DENND11: variants seen among roughly 807,000 people sequenced by gnomAD.
The protein encoded by DENND11 is DENN domain containing 11, also known as DENN domain-containing protein 11.
Under a neutral mutation model 49.2 loss-of-function variants are expected in DENND11, and 34 were observed. The ratio of observed to expected loss-of-function variants is 0.69; its 90% CI spans 0.53 to 0.92. The LOEUF (loss-of-function observed/expected upper bound fraction) is 0.92, where lower values mean the gene tolerates loss of function less well. Ranked by LOEUF, DENND11 falls within the 40% of genes least tolerant of loss-of-function variation. The pLI is 0.00. For synonymous variants in DENND11, 238 were observed against 230.3 expected, an observed-to-expected ratio of 1.03 and a Z score of -0.30; for missense variants, 475 against 581.6, an observed-to-expected ratio of 0.82 and a Z score of 1.88.
chr7:141,664,700 C>T (rs1797860231), intron 7 of DENND11, among the ~76,000 whole-genome samples: 1 of 152,218 alleles, frequency 6.6e-6, no homozygotes, highest in Non-Finnish European at 1.5e-5. Context: ...CGTGGATCTA[C>T]TCCCCTCCTA....
rs116343238 is a variant in DENND11, at chr7:141,670,805, C to T, written c.681+3262G>A. On this transcript the variant is annotated intron_variant, in intron 4 of 8. Coordinates refer to ENST00000536163, the MANE Select transcript of DENND11 (RefSeq NM_001080392.2). ...TACAATGTTTTCAACTTACAATAGG[C>T]TTATGGGGGTGTAACCCCACAGTAA... Among the ~76,000 whole-genome samples the T allele has an allele frequency of 4.0e-3, 608 of 152,302 alleles. 4 individuals carry two copies. The highest frequency in any genetic ancestry group is 0.014 in the African/African-American group (565 of 41,560).
chr7:141,685,027 A>ATATATAT (rs1441870552), intron 3 of DENND11, among the ~76,000 whole-genome samples: 2 of 98,054 alleles, frequency 2.0e-5, no homozygotes, highest in African/African-American at 6.9e-5. Context: ...AAAAAAAAAA[A>ATATATAT]AAATATATAT....
intron 5 of DENND11, among the ~76,000 whole-genome samples, 171 bp from the exon 6 acceptor site, chr7:141,665,489 G>A (rs1797880548): frequency 6.6e-6 from 1 of 152,204 alleles, no homozygotes; most frequent in African/African-American, 2.4e-5. Flanking sequence ...TGCCATGGCA[G>A]AAACTGACCC....
chr7:141,668,802 C>T (rs550938586), intron 4 of DENND11, among the ~76,000 whole-genome samples: 1 of 152,344 alleles, frequency 6.6e-6, no homozygotes, highest in Non-Finnish European at 1.5e-5. Context: ...CTCACCTGCA[C>T]ATGCAACAGA....
At chr7:141,671,257 A>C (rs1797975288) in intron 4 of DENND11, among the ~76,000 whole-genome samples, 1 of 152,146 alleles carries the variant, frequency 6.6e-6, no homozygotes, top group African/African-American at 2.4e-5. Context: ...GCTCACTGCA[A>C]CTTCTGCCTC....
chr7:141,695,802 TCTTGGACCATGA>T (rs1052343967), intron 1 of DENND11, among the ~76,000 whole-genome samples: 10 of 152,200 alleles, frequency 6.6e-5, no homozygotes, highest in East Asian at 5.8e-4. Context: ...TCCTTTCTCA[TCTTGGACCATGA>T]CTTGGACCTA....
chr7:141,699,759 A>G (rs1798476313), intron 1 of DENND11, among the ~76,000 whole-genome samples: 1 of 152,258 alleles, frequency 6.6e-6, no homozygotes, highest in Admixed American at 6.5e-5. Context: ...CATCCCTGGT[A>G]TGTTCCCTCA....
chr7:141,694,103 T>C (rs1053791740), intron 1 of DENND11, among the ~76,000 whole-genome samples: 2 of 152,198 alleles, frequency 1.3e-5, no homozygotes, highest in Non-Finnish European at 2.9e-5. Flanking sequence ...CTGTACTTTC[T>C]GCTCAATTTT....
rs142059084 is a variant in DENND11 at position 141,666,966 on chromosome 7, C to T, written c.682-541G>A. ...GATGGAGTCTGACTCACTCTGTCAC[C>T]CAGGTTGGAGTGCTGTGGCGTGATC... On this transcript the variant is annotated intron_variant, in intron 4 of 8. Transcript: ENST00000536163. 1.4e-3 allele frequency among the ~76,000 whole-genome samples: 209 copies of T among 152,250 alleles called. 2 individuals carry two copies. The highest frequency in any genetic ancestry group is 4.8e-3 in the African/African-American group (199 of 41,538).
chr7:141,670,590 A>G (rs1290962191), intron 4 of DENND11, among the ~76,000 whole-genome samples: 2 of 152,238 alleles, frequency 1.3e-5, no homozygotes, highest in African/African-American at 4.8e-5. Context: ...TTTCAACTGT[A>G]TGATGGGTTT....
intron 3 of DENND11, among the ~76,000 whole-genome samples, chr7:141,674,843 G>T (rs998247213): frequency 1.3e-5 from 2 of 152,128 alleles, no homozygotes; most frequent in African/African-American, 4.8e-5. Context: ...GCTGTGGCTG[G>T]CCCTGCTGGC....
intron 1 of DENND11, among the ~76,000 whole-genome samples, chr7:141,700,067 A>G (rs1798483197): frequency 6.6e-6 from 1 of 152,192 alleles, no homozygotes; most frequent in Admixed American, 6.5e-5. Flanking sequence ...TCAATAATTG[A>G]TCAATTATCA....
rs1797893802 is a variant in DENND11, at chr7:141,666,366, G to A, written c.741C>T (p.Leu247=). The part of the protein sequence containing the change: ...QFIKFFGEQI[L]ILWKFALLRK... Reference sequence around the variant, plus strand: ...GAAGTAAGGCAAATTTCCAGAGGATGAGGATCTGTTCTCCAAAGAACTTTA... The same window carrying A: ...GAAGTAAGGCAAATTTCCAGAGGATAAGGATCTGTTCTCCAAAGAACTTTA... The change falls in exon 5 of 9, where the codon CTC becomes CTT. Residue 247 remains leucine, a synonymous_variant. Coordinates refer to ENST00000536163, the MANE Select transcript of DENND11 (RefSeq NM_001080392.2). 6.2e-7 allele frequency: 1 copy of A among 1,613,520 alleles called. No individual in the cohort carries two copies. Among genetic ancestry groups the A allele is most frequent in the South Asian group, 1.1e-5 (1 of 90,968 alleles).
At chr7:141,680,122 T>C (rs935748958) in intron 3 of DENND11, among the ~76,000 whole-genome samples, 1 of 152,170 alleles carries the variant, frequency 6.6e-6, no homozygotes. Flanking sequence ...TGCAGCATCA[T>C]TTGTAGCAGG....
rs1357983497 is a variant in DENND11, at chr7:141,656,903, C to CTTTAGG, written c.*5752_*5753insCCTAAA. 1 of 152,938 alleles carries CTTTAGG rather than the reference C, an allele frequency of 6.5e-6. No homozygotes were observed. Among genetic ancestry groups the CTTTAGG allele is most frequent in the East Asian group, 1.9e-4 (1 of 5,192 alleles). The allele number at this position is 152,938 out of a possible 1,614,324, so 9.5% of individuals were successfully genotyped here. ...ATTTACTTTTAGCTTCAGGATTAAC[C>CTTTAGG]CCAGCTTTCTTTAGGCCTTAAAATT... is the stretch of plus-strand genomic sequence containing the variant. On this transcript the variant is annotated 3_prime_UTR_variant, in exon 9 of 9. Coordinates refer to ENST00000536163, the MANE Select transcript of DENND11 (RefSeq NM_001080392.2).
chr7:141,664,272 CAGGT>C, intron 7 of DENND11, 32 bp from the exon 8 acceptor site: 1 of 1,541,522 alleles, frequency 6.5e-7, no homozygotes. Flanking sequence ...GACTCTGGTG[CAGGT>C]ACCAGGACCG....
intron 8 of DENND11, 156 bp from the exon 9 acceptor site, chr7:141,663,007 T>G: frequency 1.8e-6 from 1 of 550,628 alleles, no homozygotes; most frequent in South Asian, 3.1e-5. Flanking sequence ...GAGTAAAAGT[T>G]AATTATTCAA....
intron 4 of DENND11, among the ~76,000 whole-genome samples, chr7:141,669,356 T>G (rs1362413050): frequency 1.3e-5 from 2 of 151,520 alleles, no homozygotes; most frequent in East Asian, 3.9e-4. Context: ...CATGCAATTA[T>G]CCTGCCTCAG....
rs767275065 is a variant in DENND11 at position 141,674,053 on chromosome 7, A to G, written c.681+14T>C. On this transcript the variant is annotated intron_variant, in intron 4 of 8. Transcript: ENST00000536163. ...AGATCCAGTATAGTGTAAGAAAAGCAGGGCTAACCTCACCTTCATCTCAGG... is the reference window on the plus strand; with the variant it reads ...AGATCCAGTATAGTGTAAGAAAAGCGGGGCTAACCTCACCTTCATCTCAGG... 1.9e-6 allele frequency: 3 copies of G among 1,602,866 alleles called. No individual in the cohort carries two copies. In the African/African-American group the frequency reaches 4.0e-5, roughly 21 times the overall value.
Sources: gnomAD v4.1 joint callset for allele counts (sites outside exome capture counted in the v4.1 genomes callset) on GRCh38, gnomAD v4.1.1 for gene constraint, MANE v1.5 for transcripts, NCBI Gene and HGNC (gene_info 2026-07-23, HGNC 2026-07-21) for gene names.